ASB18: variants seen among roughly 807,000 people sequenced by gnomAD.
ASB18 encodes ankyrin repeat and SOCS box protein 18.
Under a neutral mutation model 33.4 loss-of-function variants are expected in ASB18, and 33 were observed. The ratio of observed to expected loss-of-function variants is 0.99; its 90% CI spans 0.75 to 1.32. ASB18 has a LOEUF of 1.32. Among genes scored for constraint, ASB18 ranks in the 40% most tolerant of loss-of-function variants. The pLI is 0.00. For synonymous variants in ASB18, 295 were observed against 307.6 expected, an observed-to-expected ratio of 0.96 and a Z score of 0.43; for missense variants, 694 against 655.5, an observed-to-expected ratio of 1.06 and a Z score of -0.64.
rs982373551 is a variant in ASB18, at chr2:236,217,826, A to G, written c.597-2960T>C. ...TGATGTGGAGTCCTTTGGGACCAGG[A>G]CTGGCTAAGGGAGGATGCAAATTTT... On this transcript the variant is annotated intron_variant, in intron 3 of 5. Transcript: ENST00000409749. This position sits in a 1 kb window ranked among gnomAD's most constrained non-coding sequence, Gnocchi z 5.2. 6.6e-6 allele frequency among the ~76,000 whole-genome samples: 1 copy of G among 152,192 alleles called. No individual in the cohort carries two copies. The highest frequency in any genetic ancestry group is 2.4e-5 in the African/African-American group (1 of 41,430).
rs953610373 is a variant in ASB18, at chr2:236,214,646, G to C, written c.817C>G (p.Leu273Val). 1.7e-6 allele frequency: 2 copies of C among 1,163,046 alleles called. No homozygotes were observed. The highest frequency in any genetic ancestry group is 4.2e-5 in the East Asian group (1 of 23,610). The allele number at this position is 1,163,046 out of a possible 1,614,324, so 72.0% of individuals were successfully genotyped here. Residue 273 changes from leucine (L) to valine (V), a missense_variant, in exon 4 of 6, where the codon CTG becomes GTG. Transcript: ENST00000409749. This position sits in a 1 kb window ranked among gnomAD's most constrained non-coding sequence, Gnocchi z 6.5. ...ARRPDEHGRC[L>V]RLCALLLRRG... ...CGCAGCAGCAGCGCGCACAGGCGCA[G>C]GCAGCGCCCGTGCTCGTCGGGCCTC...
In ASB18 at chr2:236,217,713, C is replaced by A. The variant is rs1463141673; in HGVS notation, c.597-2847G>T. ...CTAGAGGCTCTCAGTATTTTAAATTCTCCCTTTGGATTGTCTCGTTTCTAC... is the reference window on the plus strand; with the variant it reads ...CTAGAGGCTCTCAGTATTTTAAATTATCCCTTTGGATTGTCTCGTTTCTAC... On this transcript the variant is annotated intron_variant, in intron 3 of 5. Transcript: ENST00000409749. The surrounding 1 kb of genome is among the most constrained non-coding windows in gnomAD (Gnocchi z 5.2). 2.6e-5 allele frequency among the ~76,000 whole-genome samples: 4 copies of A among 152,172 alleles called. No individual in the cohort carries two copies. Among genetic ancestry groups the A allele is most frequent in the African/African-American group, 4.8e-5 (2 of 41,434 alleles).
intron 3 of ASB18, among the ~76,000 whole-genome samples, chr2:236,232,222 T>G (rs1384400357): frequency 1.3e-5 from 2 of 151,168 alleles, no homozygotes; most frequent in African/African-American, 4.9e-5. Context: ...CCCCACATAT[T>G]TGGAAACTCA....
In ASB18 at chr2:236,214,081, G is replaced by A. The variant is rs1232634473; in HGVS notation, c.1101+281C>T. 1.6e-5 allele frequency: 7 copies of A among 442,676 alleles called. No homozygotes were observed. In the East Asian group the frequency reaches 2.9e-4, roughly 18 times the overall value. The allele number at this position is 442,676 out of a possible 1,614,324, so 27.4% of individuals were successfully genotyped here. A position where few individuals can be genotyped will look rare whatever the true frequency, so the allele number is the denominator to read the frequency against. On this transcript the variant is annotated intron_variant, in intron 4 of 5. Transcript: ENST00000409749. This position sits in a 1 kb window ranked among gnomAD's most constrained non-coding sequence, Gnocchi z 6.5. ...CTTTGAAAGGATGCATTCTTCACATGCAACCCCTTAATTGTCTCGTGGCTC... is the reference window on the plus strand; with the variant it reads ...CTTTGAAAGGATGCATTCTTCACATACAACCCCTTAATTGTCTCGTGGCTC...
chr2:236,227,203 T>C (rs756506090), intron 3 of ASB18, among the ~76,000 whole-genome samples: 13 of 152,174 alleles, frequency 8.5e-5, no homozygotes, highest in Non-Finnish European at 5.9e-5. Context: ...ATATTTTCCA[T>C]AGGAACATGT....
At position 236,195,182 on chromosome 2, in the gene ASB18, C is replaced by T; in HGVS notation, c.1216-125G>A. On this transcript the variant is annotated intron_variant, in intron 5 of 5. Coordinates refer to ENST00000409749, the MANE Select transcript of ASB18 (RefSeq NM_212556.4). This position sits in a 1 kb window ranked among gnomAD's most constrained non-coding sequence, Gnocchi z 5.5. ...GGCTAACTGATCCCAGATAAGCGCA[C>T]TGGAGGGAGACGCACCATCTTGTGG... 1 of 848,026 alleles carries T rather than the reference C, an allele frequency of 1.2e-6. No homozygotes were observed. Among genetic ancestry groups the T allele is most frequent in the East Asian group, 2.7e-5 (1 of 37,222 alleles). The allele number at this position is 848,026 out of a possible 1,614,324, so 52.5% of individuals were successfully genotyped here. A position where few individuals can be genotyped will look rare whatever the true frequency, so the allele number is the denominator to read the frequency against.
rs969233944 is a variant in ASB18 at position 236,219,177 on chromosome 2, A to G, written c.597-4311T>C. Among the ~76,000 whole-genome samples the G allele has an allele frequency of 6.6e-6, 1 of 152,140 alleles. No individual in the cohort carries two copies. Among genetic ancestry groups the G allele is most frequent in the Non-Finnish European group, 1.5e-5 (1 of 68,032 alleles). ...AGGCATGAGCCACCGTGCCCTGCCA[A>G]AAAACCTAGAAATTTAGAGGGCAAT... On this transcript the variant is annotated intron_variant, in intron 3 of 5. Transcript: ENST00000409749. The surrounding 1 kb of genome is among the most constrained non-coding windows in gnomAD (Gnocchi z 6.4).
chr2:236,251,700 G>A lies in ASB18; in HGVS notation c.206-10298C>T, dbSNP rs1435453246. Among the ~76,000 whole-genome samples the A allele has an allele frequency of 6.6e-6, 1 of 152,088 alleles. No individual in the cohort carries two copies. The highest frequency in any genetic ancestry group is 1.5e-5 in the Non-Finnish European group (1 of 68,010). ...ACTTTAAACTTCCAACGGAAAAACA[G>A]GAAAAAAAATGATAAGAACTGTAAG... is the stretch of plus-strand genomic sequence containing the variant. On this transcript the variant is annotated intron_variant, in intron 1 of 5. Transcript: ENST00000409749. This position sits in a 1 kb window ranked among gnomAD's most constrained non-coding sequence, Gnocchi z 5.3.
In ASB18 at chr2:236,196,948, G is replaced by C. The variant is rs987688388; in HGVS notation, c.1102-563C>G. Among the ~76,000 whole-genome samples the C allele has an allele frequency of 6.6e-6, 1 of 152,098 alleles. No homozygotes were observed. The highest frequency in any genetic ancestry group is 6.6e-5 in the Admixed American group (1 of 15,264). On this transcript the variant is annotated intron_variant, in intron 4 of 5. Coordinates refer to ENST00000409749, the MANE Select transcript of ASB18 (RefSeq NM_212556.4). This position sits in a 1 kb window ranked among gnomAD's most constrained non-coding sequence, Gnocchi z 5.6. ...ACAAATTTATAATTCAAGTCCATTA[G>C]CTTCACCATAAAGATGGGAACACTA... is the stretch of plus-strand genomic sequence containing the variant.
chr2:236,200,953 G>C lies in ASB18; in HGVS notation c.1102-4568C>G, dbSNP rs529113622. ...TCCTTTCTCCTATCTCCTTAGGTAT[G>C]TTTTGTTTGTCTTTCATGCTCCTTG... On this transcript the variant is annotated intron_variant, in intron 4 of 5. Transcript: ENST00000409749. This position sits in a 1 kb window ranked among gnomAD's most constrained non-coding sequence, Gnocchi z 4.2. Among the ~76,000 whole-genome samples the C allele has an allele frequency of 6.6e-6, 1 of 152,000 alleles. No individual in the cohort carries two copies. Among genetic ancestry groups the C allele is most frequent in the Non-Finnish European group, 1.5e-5 (1 of 68,000 alleles).
intron 4 of ASB18, among the ~76,000 whole-genome samples, chr2:236,198,782 G>GT (rs1180965984): frequency 6.6e-6 from 1 of 152,110 alleles, no homozygotes; most frequent in Non-Finnish European, 1.5e-5. Flanking sequence ...TCACTGATTT[G>GT]TAAGTACATT....
At position 236,204,901 on chromosome 2, in the gene ASB18, A is replaced by T. The variant is rs2060425870; in HGVS notation, c.1102-8516T>A. On this transcript the variant is annotated intron_variant, in intron 4 of 5. Transcript: ENST00000409749. This position sits in a 1 kb window ranked among gnomAD's most constrained non-coding sequence, Gnocchi z 5.1. The stretch of plus-strand genomic sequence containing the variant: ...CATTCTTGCAGTCTCTTGGGCTAGA[A>T]TCAGAGTCGTCCATTGCTCCTGTTT... Among the ~76,000 whole-genome samples, 1 of 152,166 alleles carries T rather than the reference A, an allele frequency of 6.6e-6. No individual in the cohort carries two copies. The highest frequency in any genetic ancestry group is 1.5e-5 in the Non-Finnish European group (1 of 68,032).
chr2:236,204,806 T>C lies in ASB18; in HGVS notation c.1102-8421A>G, dbSNP rs551781161. Among the ~76,000 whole-genome samples the C allele has an allele frequency of 2.7e-4, 41 of 149,698 alleles. No individual in the cohort carries two copies. Among genetic ancestry groups the C allele is most frequent in the Admixed American group, 1.7e-3 (26 of 14,930 alleles). ...ACACTCCACATACCAAAAACTGAAC[T>C]CCCTTGTTCACCAGGTCCCAACCTG... On this transcript the variant is annotated intron_variant, in intron 4 of 5. Transcript: ENST00000409749. This position sits in a 1 kb window ranked among gnomAD's most constrained non-coding sequence, Gnocchi z 5.1.
chr2:236,230,415 A>C (rs2060558883), intron 3 of ASB18, among the ~76,000 whole-genome samples: 1 of 150,824 alleles, frequency 6.6e-6, no homozygotes, highest in African/African-American at 2.4e-5. Flanking sequence ...CTACACAAAT[A>C]AATGAAGGGA....
In ASB18 at chr2:236,217,377, A is replaced by G. The variant is rs1298505354; in HGVS notation, c.597-2511T>C. ...AGCCAAGATCGTGCCCCTGAACTCC[A>G]TCCAGCCTGGGGGCAACAGAGCGAG... On this transcript the variant is annotated intron_variant, in intron 3 of 5. Coordinates refer to ENST00000409749, the MANE Select transcript of ASB18 (RefSeq NM_212556.4). The surrounding 1 kb of genome is among the most constrained non-coding windows in gnomAD (Gnocchi z 5.2). Among the ~76,000 whole-genome samples the G allele has an allele frequency of 6.6e-6, 1 of 151,076 alleles. No homozygotes were observed. The highest frequency in any genetic ancestry group is 1.5e-5 in the Non-Finnish European group (1 of 67,890).
Position 236,255,207 on chromosome 2 carries a change from G to A in ASB18, c.205+8934C>T, listed in dbSNP as rs879179913. Among the ~76,000 whole-genome samples the A allele has an allele frequency of 6.6e-6, 1 of 151,940 alleles. No individual in the cohort carries two copies. Among genetic ancestry groups the A allele is most frequent in the Admixed American group, 6.6e-5 (1 of 15,258 alleles). Reference sequence around the variant, plus strand: ...CGCCCAGGCCTGAGTGCAGTAGCGCGATCTTGGCTCACTGCAACCTCCTCC... The same window carrying A: ...CGCCCAGGCCTGAGTGCAGTAGCGCAATCTTGGCTCACTGCAACCTCCTCC... On this transcript the variant is annotated intron_variant, in intron 1 of 5. Transcript: ENST00000409749. This position sits in a 1 kb window ranked among gnomAD's most constrained non-coding sequence, Gnocchi z 4.4.
Position 236,237,687 on chromosome 2 carries a change from A to G in ASB18, c.596+2T>C, listed in dbSNP as rs1236424271. The G allele has an allele frequency of 1.4e-6, 2 of 1,446,898 alleles. No homozygotes were observed. Among genetic ancestry groups the G allele is most frequent in the East Asian group, 6.1e-5 (2 of 32,646 alleles). 89.6% of individuals were successfully genotyped at this position (1,446,898 alleles called of 1,614,324 possible). A position where few individuals can be genotyped will look rare whatever the true frequency, so the allele number is the denominator to read the frequency against. On this transcript the variant is annotated splice_donor_variant, in intron 3 of 5. Transcript: ENST00000409749. LOFTEE classifies it high-confidence loss of function. This position sits in a 1 kb window ranked among gnomAD's most constrained non-coding sequence, Gnocchi z 6.2. ...GCCGCGGGCCTGTCCCGAGGTCCTT[A>G]CCCGAGCGAGGCGGCCGTGCGGCAG... is the stretch of plus-strand genomic sequence containing the variant.
At chr2:236,232,125 G>A (rs1440523687) in intron 3 of ASB18, among the ~76,000 whole-genome samples, 1 of 151,870 alleles carries the variant, frequency 6.6e-6, no homozygotes, top group Non-Finnish European at 1.5e-5. Context: ...ACAATTCTCA[G>A]TAAATTTAAA....
In ASB18 at chr2:236,237,516, A is replaced by G. The variant is rs2060600084; in HGVS notation, c.596+173T>C. The stretch of plus-strand genomic sequence containing the variant: ...TCCCGAGGCAGGGGCCGGGGTAGGG[A>G]CGGGGCGGATGCGGGTCTGGGGATC... On this transcript the variant is annotated intron_variant, in intron 3 of 5. Coordinates refer to ENST00000409749, the MANE Select transcript of ASB18 (RefSeq NM_212556.4). The surrounding 1 kb of genome is among the most constrained non-coding windows in gnomAD (Gnocchi z 6.2). Among the ~76,000 whole-genome samples, 1 of 149,122 alleles carries G rather than the reference A, an allele frequency of 6.7e-6. No homozygotes were observed. Among genetic ancestry groups the G allele is most frequent in the South Asian group, 2.1e-4 (1 of 4,708 alleles).
Sources: allele counts gnomAD v4.1 joint callset (sites outside exome capture counted in the v4.1 genomes callset), GRCh38; gene constraint gnomAD v4.1.1; non-coding constraint Gnocchi (gnomAD v3.1); transcripts MANE v1.5; gene names NCBI Gene and HGNC (gene_info 2026-07-23, HGNC 2026-07-21).